The following ARHGAP32 variants were observed in gnomAD, a reference collection of about 807,000 sequenced individuals.
The protein encoded by ARHGAP32 is rho GTPase-activating protein 32.
ARHGAP32 carries 51 observed loss-of-function variants against 186.5 expected under a neutral mutation model. The ratio of observed to expected loss-of-function variants is 0.27; its 90% CI spans 0.22 to 0.35. The LOEUF (loss-of-function observed/expected upper bound fraction) is 0.35. Ranked by LOEUF, ARHGAP32 falls within the 10% of genes least tolerant of loss-of-function variation. The probability of loss-of-function intolerance (pLI) is 1.00; values close to 1 mark genes in which losing one functional copy is unlikely to be tolerated. For synonymous variants in ARHGAP32, 950 were observed against 964.3 expected, an observed-to-expected ratio of 0.99 and a Z score of 0.27; for missense variants, 2,186 against 2,623.5, an observed-to-expected ratio of 0.83 and a Z score of 3.64.
At chr11:129,018,193 A>G (rs992884332) in intron 11 of ARHGAP32, among the ~76,000 whole-genome samples, 1 of 152,152 alleles carries the variant, frequency 6.6e-6, no homozygotes, top group Non-Finnish European at 1.5e-5. Flanking sequence ...AGACTTGAAA[A>G]GGCAAGTGGC....
intron 11 of ARHGAP32, among the ~76,000 whole-genome samples, chr11:129,004,650 T>C (rs969235748): frequency 6.6e-6 from 1 of 152,162 alleles, no homozygotes; most frequent in Non-Finnish European, 1.5e-5. Flanking sequence ...ATAGTTTTTG[T>C]CTTGAAATCT....
At chr11:129,162,628 G>A (rs1417782964) in intron 2 of ARHGAP32, among the ~76,000 whole-genome samples, 2 of 152,106 alleles carry the variant, frequency 1.3e-5, no homozygotes, top group Non-Finnish European at 2.9e-5. Context: ...AAAAATATGT[G>A]TGGAATACAA....
intron 2 of ARHGAP32, among the ~76,000 whole-genome samples, chr11:129,131,689 A>T (rs917881674): frequency 6.6e-6 from 1 of 152,132 alleles, no homozygotes; most frequent in African/African-American, 2.4e-5. Context: ...AACTTTGGGA[A>T]TTATAATTTG....
chr11:129,176,935 T>G (rs1943929106), intron 1 of ARHGAP32, among the ~76,000 whole-genome samples: 1 of 151,444 alleles, frequency 6.6e-6, no homozygotes, highest in East Asian at 1.9e-4. Flanking sequence ...ATAACTAAAA[T>G]CAGAGCAGAA....
intron 5 of ARHGAP32, among the ~76,000 whole-genome samples, chr11:129,109,349 T>C (rs1942140763): frequency 6.6e-6 from 1 of 152,104 alleles, no homozygotes; most frequent in Non-Finnish European, 1.5e-5. Context: ...TTGGATTCCA[T>C]ATCTTTGTTA....
At chr11:129,274,588 T>C (rs889500942) in intron 1 of ARHGAP32, among the ~76,000 whole-genome samples, 9 of 152,222 alleles carry the variant, frequency 5.9e-5, no homozygotes, top group African/African-American at 1.7e-4. Flanking sequence ...CTCAGAACAA[T>C]GGCCTTTTTT....
chr11:128,973,243 T>C lies in ARHGAP32; in HGVS notation c.3263A>G (p.Asp1088Gly), dbSNP rs762098549. 1.1e-4 allele frequency: 174 copies of C among 1,614,172 alleles called. 4 individuals carry two copies. The South Asian group carries it at 1.9e-3, about 17-fold the overall frequency. ...TSQAGYTNYG[D>G]IAVATTEDNL... is the part of the protein sequence containing the mutation. ...ATCTTCAGTTGTAGCCACCGCTATG[T>C]CTCCATAATTTGTATACCCAGCCTG... The change falls in exon 22 of 23, where the codon GAC becomes GGC. Residue 1088 changes from aspartate to glycine, a missense_variant. By Grantham distance (94) the Asp-to-Gly change is moderately conservative. Coordinates refer to ENST00000682385, the MANE Select transcript of ARHGAP32 (RefSeq NM_001378024.1).
chr11:129,191,623 T>C (rs1349149574), intron 1 of ARHGAP32, among the ~76,000 whole-genome samples: 1 of 151,428 alleles, frequency 6.6e-6, no homozygotes, highest in Non-Finnish European at 1.5e-5. Flanking sequence ...ATCGGAATTT[T>C]TCATACCCAT....
chr11:129,013,591 A>G (rs1306067504), intron 11 of ARHGAP32, among the ~76,000 whole-genome samples: 1 of 152,220 alleles, frequency 6.6e-6, no homozygotes, highest in Non-Finnish European at 1.5e-5. Flanking sequence ...TAAATAATCA[A>G]TTATTTATCA....
chr11:129,033,184 C>T (rs1176897611), intron 11 of ARHGAP32, among the ~76,000 whole-genome samples: 3 of 152,160 alleles, frequency 2.0e-5, no homozygotes, highest in East Asian at 3.8e-4. Context: ...ACCATGTATA[C>T]ACCCATAAGT....
chr11:129,125,239 C>T (rs1174976241), intron 2 of ARHGAP32, among the ~76,000 whole-genome samples: 2 of 151,876 alleles, frequency 1.3e-5, no homozygotes, highest in Non-Finnish European at 2.9e-5. Flanking sequence ...AATTAATAAA[C>T]ATTAAAATGC....
intron 11 of ARHGAP32, among the ~76,000 whole-genome samples, chr11:129,006,537 G>T (rs542222754): frequency 4.6e-5 from 7 of 152,126 alleles, no homozygotes; most frequent in African/African-American, 1.4e-4. Flanking sequence ...CTGGATTACC[G>T]GTCAGAGACT....
At chr11:129,130,482 G>A (rs916480465) in intron 2 of ARHGAP32, among the ~76,000 whole-genome samples, 5 of 151,328 alleles carry the variant, frequency 3.3e-5, no homozygotes, top group Non-Finnish European at 5.9e-5. Context: ...AAACAAGGAA[G>A]TTATACTCAA....
intron 2 of ARHGAP32, among the ~76,000 whole-genome samples, chr11:129,135,756 G>C (rs1411879471): frequency 1.3e-5 from 2 of 149,394 alleles, no homozygotes; most frequent in Non-Finnish European, 3.0e-5. Flanking sequence ...AACAGAGCGA[G>C]ACTCCATCTC....
chr11:129,141,322 C>T (rs567591858), intron 2 of ARHGAP32, among the ~76,000 whole-genome samples: 3 of 151,990 alleles, frequency 2.0e-5, no homozygotes, highest in South Asian at 2.1e-4. Flanking sequence ...TCCTTTGTAG[C>T]GACATGGATG....
chr11:129,027,577 T>C (rs1046254837), intron 11 of ARHGAP32, among the ~76,000 whole-genome samples: 3 of 152,186 alleles, frequency 2.0e-5, no homozygotes, highest in African/African-American at 7.2e-5. Context: ...GTTCCGTCTT[T>C]GGAAAGCTCT....
Position 129,046,441 on chromosome 11 carries a change from C to T in ARHGAP32, c.964-5432G>A, listed in dbSNP as rs112902757. Among the ~76,000 whole-genome samples, 21 of 152,204 alleles carry T rather than the reference C, an allele frequency of 1.4e-4. 1 individual carries two copies. Among genetic ancestry groups the T allele is most frequent in the African/African-American group, 4.6e-4 (19 of 41,506 alleles). On this transcript the variant is annotated intron_variant, in intron 10 of 22. Coordinates refer to ENST00000682385, the MANE Select transcript of ARHGAP32 (RefSeq NM_001378024.1). ...ATGTATATTCATACACTTCGTCCTG[C>T]GCCTATCCACCTCTAACAGCTTCTG...
At chr11:129,114,213 G>A (rs1942302636) in intron 5 of ARHGAP32, among the ~76,000 whole-genome samples, 1 of 152,054 alleles carries the variant, frequency 6.6e-6, no homozygotes, top group South Asian at 2.1e-4. Flanking sequence ...TCACTTATAA[G>A]AGGGAGCTGA....
chr11:129,049,917 C>A (rs892271248), intron 10 of ARHGAP32, among the ~76,000 whole-genome samples: 1 of 152,174 alleles, frequency 6.6e-6, no homozygotes. Context: ...AGTAATTCCT[C>A]CCTTAACGTC....
Sources: allele counts gnomAD v4.1 joint callset (sites outside exome capture counted in the v4.1 genomes callset), GRCh38; gene constraint gnomAD v4.1.1; transcripts MANE v1.5; gene names NCBI Gene and HGNC (gene_info 2026-07-23, HGNC 2026-07-21).